ABTB2: variants seen among roughly 807,000 people sequenced by gnomAD.
The protein encoded by ABTB2 is ankyrin repeat and BTB/POZ domain-containing protein 2.
A neutral mutation model predicts 104.1 loss-of-function variants in ABTB2; 56 were observed. The ratio of observed to expected loss-of-function variants is 0.54; its 90% confidence interval spans 0.43 to 0.67. ABTB2 has a LOEUF of 0.67. ABTB2 is among the 30% of genes least tolerant of loss of function. ABTB2 has a pLI of 0.00. For synonymous variants in ABTB2, 606 were observed against 608.2 expected (o/e 1.00, Z 0.05); for missense variants, 1,279 against 1,407.7 (o/e 0.91, Z 1.46).
chr11:34,306,658 A>T (rs992948471), intron 1 of ABTB2, among the ~76,000 whole-genome samples: 4 of 152,048 alleles, frequency 2.6e-5, no homozygotes, highest in African/African-American at 9.6e-5. Context: ...CAGGAGTGTG[A>T]GGCTGCAGTG....
chr11:34,303,842 C>T (rs1047263101), intron 1 of ABTB2, among the ~76,000 whole-genome samples: 1 of 151,886 alleles, frequency 6.6e-6, no homozygotes, highest in African/African-American at 2.4e-5. Flanking sequence ...GGGATTTCAC[C>T]ATGTTGGCCA....
At chr11:34,180,025 C>T (rs1482491846) in intron 3 of ABTB2, among the ~76,000 whole-genome samples, 1 of 152,152 alleles carries the variant, frequency 6.6e-6, no homozygotes, top group Non-Finnish European at 1.5e-5. Context: ...ACTATTATTA[C>T]TAGTTTAGTG....
chr11:34,208,896 A>G (rs1329344117), intron 1 of ABTB2, among the ~76,000 whole-genome samples: 3 of 151,790 alleles, frequency 2.0e-5, no homozygotes, highest in African/African-American at 4.8e-5. Flanking sequence ...GCCCCCCTGG[A>G]CCTGCAGCAG....
intron 8 of ABTB2, 46 bp downstream of exon 8, chr11:34,165,214 C>A: frequency 1.3e-6 from 2 of 1,493,058 alleles, no homozygotes; most frequent in South Asian, 2.6e-5. Context: ...GGCTGGGGGG[C>A]ACTGCAGGGA....
intron 1 of ABTB2, among the ~76,000 whole-genome samples, chr11:34,248,699 G>A (rs568653100): frequency 6.6e-6 from 1 of 152,312 alleles, no homozygotes; most frequent in African/African-American, 2.4e-5. Context: ...CACAAGTGTG[G>A]TTTTCATAAG....
chr11:34,283,170 G>A (rs1412603641), intron 1 of ABTB2, among the ~76,000 whole-genome samples: 3 of 147,140 alleles, frequency 2.0e-5, no homozygotes, highest in South Asian at 2.2e-4. Context: ...CGCCTGCCTC[G>A]GCCTCCCAAA....
At chr11:34,255,319 A>G (rs1260818293) in intron 1 of ABTB2, among the ~76,000 whole-genome samples, 1 of 151,850 alleles carries the variant, frequency 6.6e-6, no homozygotes, top group Non-Finnish European at 1.5e-5. Flanking sequence ...TTTCCCCTCA[A>G]CTCTGGGAAG....
In ABTB2 at chr11:34,175,043, T is replaced by C. The variant is rs528258079; in HGVS notation, c.1245-1736A>G. 2.1e-3 allele frequency among the ~76,000 whole-genome samples: 322 copies of C among 152,360 alleles called. 2 individuals are homozygous for C. Among genetic ancestry groups the C allele is most frequent in the African/African-American group, 7.3e-3 (305 of 41,590 alleles). On this transcript the variant is annotated intron_variant, in intron 3 of 16. Coordinates refer to ENST00000435224, the MANE Select transcript of ABTB2 (RefSeq NM_145804.3). Reference sequence around the variant, plus strand: ...GTCACTGTGGTCTCTCCCCTTGACATGCAGCTAAGTGCTCCCGCCAGGGAA... The same window carrying C: ...GTCACTGTGGTCTCTCCCCTTGACACGCAGCTAAGTGCTCCCGCCAGGGAA...
chr11:34,217,492 C>T (rs1479144234), intron 1 of ABTB2, among the ~76,000 whole-genome samples: 2 of 152,078 alleles, frequency 1.3e-5, no homozygotes, highest in African/African-American at 4.8e-5. Flanking sequence ...GACAGAGTCT[C>T]ACTCTGTCAC....
At chr11:34,259,827 G>A (rs1251596200) in intron 1 of ABTB2, among the ~76,000 whole-genome samples, 1 of 152,058 alleles carries the variant, frequency 6.6e-6, no homozygotes, top group Non-Finnish European at 1.5e-5. Context: ...ATTATTATTT[G>A]AGACAGGGTC....
intron 1 of ABTB2, among the ~76,000 whole-genome samples, chr11:34,214,555 TTA>T (rs57558880): frequency 0.092 from 12,144 of 131,628 alleles, 607 homozygotes; most frequent in East Asian, 0.15. Context: ...TTTTTTTTTT[TTA>T]AAGTCAGGTT....
chr11:34,229,222 C>T (rs937639379), intron 1 of ABTB2, among the ~76,000 whole-genome samples: 4 of 151,724 alleles, frequency 2.6e-5, no homozygotes, highest in Admixed American at 2.0e-4. Context: ...GTGGCTCACG[C>T]CTGTAATCGC....
intron 14 of ABTB2, among the ~76,000 whole-genome samples, chr11:34,158,107 C>T (rs559095372): frequency 6.6e-6 from 1 of 152,176 alleles, no homozygotes; most frequent in Non-Finnish European, 1.5e-5. Flanking sequence ...ATGGTGAGTT[C>T]CTCCTACTGC....
chr11:34,277,607 A>AAC (rs1854397690), intron 1 of ABTB2, among the ~76,000 whole-genome samples: 2 of 28,014 alleles, frequency 7.1e-5, no homozygotes, highest in Non-Finnish European at 1.3e-4. Context: ...AATATGGTGA[A>AAC]CCCCATCTCT....
At chr11:34,351,693 TAG>T (rs899104559) in intron 1 of ABTB2, among the ~76,000 whole-genome samples, 2 of 152,176 alleles carry the variant, frequency 1.3e-5, no homozygotes, top group Non-Finnish European at 1.5e-5. Context: ...GCACATATTG[TAG>T]ACACCATGAG....
intron 1 of ABTB2, among the ~76,000 whole-genome samples, chr11:34,265,691 G>T (rs978874940): frequency 7.4e-6 from 1 of 135,736 alleles, no homozygotes. Context: ...AAAAAAAGCC[G>T]GGCACGGTGG....
At chr11:34,275,834 A>G (rs1854375849) in intron 1 of ABTB2, among the ~76,000 whole-genome samples, 1 of 152,224 alleles carries the variant, frequency 6.6e-6, no homozygotes. Context: ...CCTATGAGAT[A>G]AAGCACTTAT....
intron 1 of ABTB2, among the ~76,000 whole-genome samples, chr11:34,348,403 C>T (rs1855359389): frequency 1.3e-5 from 2 of 152,180 alleles, no homozygotes; most frequent in South Asian, 4.1e-4. Flanking sequence ...CTCCACTGTT[C>T]CTGCTTGTCA....
chr11:34,325,950 A>AAAAATAAAAT (rs60780111), intron 1 of ABTB2, among the ~76,000 whole-genome samples: 10,455 of 117,828 alleles, frequency 0.089, 657 homozygotes, highest in Non-Finnish European at 0.11. Flanking sequence ...GACAGTCTCA[A>AAAAATAAAAT]AAAATAAAAT....
Sources: allele counts gnomAD v4.1 joint callset (sites outside exome capture counted in the v4.1 genomes callset), GRCh38; gene constraint gnomAD v4.1.1; transcripts MANE v1.5; gene names NCBI Gene and HGNC (gene_info 2026-07-23, HGNC 2026-07-21).